The following GDF2 variants were observed in gnomAD, a reference collection of about 807,000 sequenced individuals.
GDF2 encodes growth/differentiation factor 2.
In GDF2, 17 loss-of-function variants were observed where a neutral mutation model predicts 16.9. The observed-to-expected ratio is 1.00, with a 90% CI of 0.69 to 1.51. The LOEUF is 1.51. Ranked by LOEUF, GDF2 falls within the 40% of genes most tolerant of loss-of-function variation. The probability of loss-of-function intolerance (pLI) is 0.00; values close to 1 mark genes in which losing one functional copy is unlikely to be tolerated. For synonymous variants in GDF2, 276 were observed against 237.6 expected (o/e 1.16, Z -1.49); for missense variants, 523 against 556.3 (o/e 0.94, Z 0.60).
rs558210657 is a variant in GDF2, at chr10:47,322,624, A to G, written c.-45A>G. 140 of 1,386,140 alleles carry G rather than the reference A, an allele frequency of 1.0e-4. 1 individual carries two copies. In the African/African-American group the frequency reaches 1.8e-3, roughly 18 times the overall value. 85.9% of individuals were successfully genotyped at this position (1,386,140 alleles called of 1,614,324 possible). On this transcript the variant is annotated 5_prime_UTR_variant, in exon 1 of 2. Transcript: ENST00000581492. Reference sequence around the variant, plus strand: ...TCCTCCCCGTGCCCGCTAACACAGCACGGCCGCCTGCAGTCTCCTCTCTGG... The same window carrying G: ...TCCTCCCCGTGCCCGCTAACACAGCGCGGCCGCCTGCAGTCTCCTCTCTGG...
rs2061111455 is a variant in GDF2 at position 47,327,155 on chromosome 10, T to C, written c.*1371T>C. Among the ~76,000 whole-genome samples the C allele has an allele frequency of 6.6e-6, 1 of 152,182 alleles. No homozygotes were observed. ...GGGAAGATAAGGCTTCCATTTGCTC[T>C]GTGTTTCACCCTCTCCTCTGTCTCT... is the stretch of plus-strand genomic sequence containing the variant. On this transcript the variant is annotated 3_prime_UTR_variant, in exon 2 of 2. Transcript: ENST00000581492.
Position 47,322,903 on chromosome 10 carries a change from G to A in GDF2, c.235G>A (p.Asp79Asn). ...TAACCTGAGTGGGGTCCCTTCGCAG[G>A]ACAAAACCAGGGTGGAGCCGCCGCA... is the stretch of plus-strand genomic sequence containing the variant. ...SLNLSGVPSQ[D>N]KTRVEPPQYM... The change falls in exon 1 of 2, where the codon GAC becomes AAC. Residue 79 changes from aspartate (D) to asparagine (N), a missense_variant. Transcript: ENST00000581492. The A allele has an allele frequency of 6.2e-7, 1 of 1,614,174 alleles. No homozygotes were observed. The highest frequency in any genetic ancestry group is 8.5e-7 in the Non-Finnish European group (1 of 1,180,022).
At position 47,326,056 on chromosome 10, in the gene GDF2, T is replaced by G. The variant is rs2132237240; in HGVS notation, c.*272T>G. 5.4e-6 allele frequency: 2 copies of G among 368,644 alleles called. No homozygotes were observed. Among genetic ancestry groups the G allele is most frequent in the East Asian group, 4.2e-5 (1 of 24,026 alleles). 22.8% of individuals were successfully genotyped at this position (368,644 alleles called of 1,614,324 possible). The stretch of plus-strand genomic sequence containing the variant: ...GATGAAAAGGAGACAGGGGGAAAAA[T>G]AATCCATAGTCAGCAGAAAACAACA... On this transcript the variant is annotated 3_prime_UTR_variant, in exon 2 of 2. Coordinates refer to ENST00000581492, the MANE Select transcript of GDF2 (RefSeq NM_016204.4).
In GDF2 at chr10:47,325,344, C is replaced by A. The variant is rs1555209021; in HGVS notation, c.850C>A (p.Leu284Ile). ...GATCAGCCATGAACAAGAGAGCGTG[C>A]TCAAGAAGCTGTCCAAGGACGGCTC... ...EMISHEQESVLKKLSKDGSTE... is the reference protein window; with the variant it reads ...EMISHEQESVIKKLSKDGSTE... The change falls in exon 2 of 2, where the codon CTC becomes ATC. Residue 284 changes from leucine to isoleucine, a missense_variant. By Grantham distance (5) the Leu-to-Ile change is conservative. Coordinates refer to ENST00000581492, the MANE Select transcript of GDF2 (RefSeq NM_016204.4). The A allele has an allele frequency of 1.9e-6, 3 of 1,614,138 alleles. No homozygotes were observed. In the East Asian group the frequency reaches 6.7e-5, roughly 36 times the overall value.
At chr10:47,323,413 C>T (rs1565754199) in intron 1 of GDF2, among the ~76,000 whole-genome samples, 1 of 152,154 alleles carries the variant, frequency 6.6e-6, no homozygotes, top group Non-Finnish European at 1.5e-5. Flanking sequence ...TCTTCCTTTC[C>T]CCCTTCCCTT....
In GDF2 at chr10:47,326,033, T is replaced by A; in HGVS notation, c.*249T>A. On this transcript the variant is annotated 3_prime_UTR_variant, in exon 2 of 2. Coordinates refer to ENST00000581492, the MANE Select transcript of GDF2 (RefSeq NM_016204.4). Reference sequence around the variant, plus strand: ...GGGTTGTTGGGATGCAAGGAGGTGATGAAAAGGAGACAGGGGGAAAAATAA... The same window carrying A: ...GGGTTGTTGGGATGCAAGGAGGTGAAGAAAAGGAGACAGGGGGAAAAATAA... 2 of 413,690 alleles carry A rather than the reference T, an allele frequency of 4.8e-6. No individual in the cohort carries two copies. Among genetic ancestry groups the A allele is most frequent in the Middle Eastern group, 1.2e-3 (2 of 1,604 alleles). The allele number at this position is 413,690 out of a possible 1,614,324, so 25.6% of individuals were successfully genotyped here. A position where few individuals can be genotyped will look rare whatever the true frequency, so the allele number is the denominator to read the frequency against.
chr10:47,323,038 C>T (rs144532369), intron 1 of GDF2, 24 bp downstream of exon 1: 82 of 1,535,116 alleles, frequency 5.3e-5, no homozygotes, highest in Non-Finnish European at 7.1e-5. Flanking sequence ...TTGCACCATG[C>T]GCGCTGGGGT....
Position 47,326,945 on chromosome 10 carries a change from G to A in GDF2, c.*1161G>A, listed in dbSNP as rs1481497219. 6.6e-6 allele frequency among the ~76,000 whole-genome samples: 1 copy of A among 152,234 alleles called. No individual in the cohort carries two copies. Among genetic ancestry groups the A allele is most frequent in the Non-Finnish European group, 1.5e-5 (1 of 68,042 alleles). On this transcript the variant is annotated 3_prime_UTR_variant, in exon 2 of 2. Coordinates refer to ENST00000581492, the MANE Select transcript of GDF2 (RefSeq NM_016204.4). ...AACATATCTATTTTTATTCCTTGGT[G>A]ACATGTCCTTAAGTGACAAGACTCC...
rs781821989 is a variant in GDF2 at position 47,325,211 on chromosome 10, G to T, written c.717G>T (p.Thr239=). 7 of 1,614,018 alleles carry T rather than the reference G, an allele frequency of 4.3e-6. No individual in the cohort carries two copies. Among genetic ancestry groups the T allele is most frequent in the Non-Finnish European group, 5.1e-6 (6 of 1,180,028 alleles). ...AGAGCCACAGGAAGGGCTGCGACAC[G>T]CTGGACATCAGTGTCCCCCCAGGTT... ...TVESHRKGCD[T]LDISVPPGSR... The change falls in exon 2 of 2, where the codon ACG becomes ACT. Residue 239 remains threonine, a synonymous_variant. Coordinates refer to ENST00000581492, the MANE Select transcript of GDF2 (RefSeq NM_016204.4).
chr10:47,324,336 A>G (rs1555208828), intron 1 of GDF2, among the ~76,000 whole-genome samples: 1 of 152,226 alleles, frequency 6.6e-6, no homozygotes, highest in African/African-American at 2.4e-5. Flanking sequence ...GTCCCCACCC[A>G]GGATCTCTCC....
chr10:47,324,733 C>T (rs1438029926), intron 1 of GDF2, 108 bp from the exon 2 acceptor site: 2 of 726,528 alleles, frequency 2.8e-6, no homozygotes, highest in Non-Finnish European at 4.6e-6. Context: ...ATAATACAGA[C>T]CAAAATTGTT....
rs143611053 is a variant in GDF2, at chr10:47,325,802, G to C, written c.*18G>C. 381 of 1,500,784 alleles carry C rather than the reference G, an allele frequency of 2.5e-4. No individual in the cohort carries two copies. Among genetic ancestry groups the C allele is most frequent in the Non-Finnish European group, 3.3e-4 (375 of 1,120,250 alleles). The allele number at this position is 1,500,784 out of a possible 1,614,324, so 93.0% of individuals were successfully genotyped here. ...GCAGGTAGTATCTGCCTGCGGGGCT[G>C]GGGAGGCAGGCCAAAGGGGCTCCAC... is the stretch of plus-strand genomic sequence containing the variant. On this transcript the variant is annotated 3_prime_UTR_variant, in exon 2 of 2. Coordinates refer to ENST00000581492, the MANE Select transcript of GDF2 (RefSeq NM_016204.4).
rs782098307 is a variant in GDF2, at chr10:47,325,346, C to G, written c.852C>G (p.Leu284=). 1.1e-5 allele frequency: 17 copies of G among 1,613,952 alleles called. No homozygotes were observed. The highest frequency in any genetic ancestry group is 1.4e-5 in the Non-Finnish European group (17 of 1,180,022). ...TCAGCCATGAACAAGAGAGCGTGCT[C>G]AAGAAGCTGTCCAAGGACGGCTCCA... ...EMISHEQESV[L]KKLSKDGSTE... Residue 284 remains leucine, a synonymous_variant, in exon 2 of 2, where the codon CTC becomes CTG. Transcript: ENST00000581492.
Position 47,324,910 on chromosome 10 carries a change from T to C in GDF2, c.416T>C (p.Ile139Thr), listed in dbSNP as rs1588851795. The change falls in exon 2 of 2, where the codon ATT becomes ACT. Residue 139 changes from isoleucine to threonine, a missense_variant. Transcript: ENST00000581492. ...QKHILLFNIS[I>T]PRHEQITRAE... ...CACATCTTGCTCTTCAACATCTCCA[T>C]TCCTAGGCATGAGCAGATCACCAGA... 6.2e-7 allele frequency: 1 copy of C among 1,613,910 alleles called. No individual in the cohort carries two copies. Among genetic ancestry groups the C allele is most frequent in the East Asian group, 2.2e-5 (1 of 44,876 alleles).
Position 47,323,087 on chromosome 10 carries a change from G to A in GDF2, c.346+73G>A, listed in dbSNP as rs1393904642. The A allele has an allele frequency of 3.8e-6, 4 of 1,057,902 alleles. No individual in the cohort carries two copies. The East Asian group carries it at 9.7e-5, about 26-fold the overall frequency. 65.5% of individuals were successfully genotyped at this position (1,057,902 alleles called of 1,614,324 possible). A position where few individuals can be genotyped will look rare whatever the true frequency, so the allele number is the denominator to read the frequency against. ...CCACAGCTGCTTTCCCCAGGGTGGA[G>A]GCCACTGGCCATAGGAGGCTCTTCA... is the stretch of plus-strand genomic sequence containing the variant. On this transcript the variant is annotated intron_variant, in intron 1 of 1. Transcript: ENST00000581492.
At position 47,325,106 on chromosome 10, in the gene GDF2, C is replaced by T. The variant is rs1555208908; in HGVS notation, c.612C>T (p.Thr204=). 2 of 1,613,954 alleles carry T rather than the reference C, an allele frequency of 1.2e-6. No individual in the cohort carries two copies. Among genetic ancestry groups the T allele is most frequent in the Non-Finnish European group, 1.7e-6 (2 of 1,180,048 alleles). ...SQDIQDEGWE[T]LEVSSAVKRW... is the part of the protein sequence containing the mutation. ...ACATTCAGGATGAGGGCTGGGAGACCTTGGAAGTGTCCAGCGCCGTGAAGC... is the reference window on the plus strand; with the variant it reads ...ACATTCAGGATGAGGGCTGGGAGACTTTGGAAGTGTCCAGCGCCGTGAAGC... The change falls in exon 2 of 2, where the codon ACC becomes ACT. Residue 204 remains threonine, a synonymous_variant. Coordinates refer to ENST00000581492, the MANE Select transcript of GDF2 (RefSeq NM_016204.4).
chr10:47,325,407 G>C lies in GDF2; in HGVS notation c.913G>C (p.Asp305His), dbSNP rs1392832978. Residue 305 changes from aspartate to histidine, a missense_variant, in exon 2 of 2, where the codon GAT (aspartate) becomes CAT (histidine). Transcript: ENST00000581492. ...TGAGAGCAGTCACGAGGAGGACACGGATGGCCACGTGGCTGCGGGGTCGAC... is the reference window on the plus strand; with the variant it reads ...TGAGAGCAGTCACGAGGAGGACACGCATGGCCACGTGGCTGCGGGGTCGAC... Reference protein sequence around the residue: ...AGESSHEEDTDGHVAAGSTLA... With the variant: ...AGESSHEEDTHGHVAAGSTLA... 5 of 1,614,074 alleles carry C rather than the reference G, an allele frequency of 3.1e-6. No homozygotes were observed. Among genetic ancestry groups the C allele is most frequent in the Non-Finnish European group, 4.2e-6 (5 of 1,180,044 alleles).
chr10:47,324,131 A>C (rs1053041411), intron 1 of GDF2, among the ~76,000 whole-genome samples: 1 of 152,276 alleles, frequency 6.6e-6, no homozygotes, highest in Non-Finnish European at 1.5e-5. Flanking sequence ...TGGGATATCG[A>C]GATAACTATG....
intron 1 of GDF2, among the ~76,000 whole-genome samples, chr10:47,324,501 A>G (rs920942050): frequency 1.3e-5 from 2 of 152,212 alleles, no homozygotes; most frequent in South Asian, 2.1e-4. Context: ...CAGTCTCCAC[A>G]TCTGCAAATG....
Sources: gnomAD v4.1 joint callset for allele counts (sites outside exome capture counted in the v4.1 genomes callset) on GRCh38, gnomAD v4.1.1 for gene constraint, MANE v1.5 for transcripts, NCBI Gene and HGNC (gene_info 2026-07-23, HGNC 2026-07-21) for gene names.